SDCBP: variants seen among roughly 807,000 people sequenced by gnomAD.
SDCBP encodes syndecan binding protein.
A neutral mutation model predicts 30.5 loss-of-function variants in SDCBP; 22 were observed. The ratio of observed to expected loss-of-function variants is 0.72; its 90% confidence interval spans 0.52 to 1.03. SDCBP has a LOEUF of 1.03. SDCBP is among the 50% of genes least tolerant of loss of function. The pLI, the probability that SDCBP is intolerant of heterozygous loss-of-function variation, is 0.00. For synonymous variants in SDCBP, 103 were observed against 118.7 expected (o/e 0.87, Z 0.86); for missense variants, 304 against 369.9 (o/e 0.82, Z 1.46).
chr8:58,556,194 G>C (rs1270339406), intron 1 of SDCBP, among the ~76,000 whole-genome samples: 2 of 152,218 alleles, frequency 1.3e-5, no homozygotes, highest in African/African-American at 4.8e-5. Flanking sequence ...TTTCATGGAA[G>C]ACAGTTTTTC....
chr8:58,579,477 T>C, intron 6 of SDCBP, 146 bp from the exon 7 acceptor site: 4 of 502,768 alleles, frequency 8.0e-6, no homozygotes, highest in Non-Finnish European at 1.3e-5. Context: ...GTTCCGTGAA[T>C]GTATAAAATC....
intron 1 of SDCBP, among the ~76,000 whole-genome samples, chr8:58,559,999 G>A (rs1472678299): frequency 1.3e-5 from 2 of 152,220 alleles, no homozygotes; most frequent in African/African-American, 4.8e-5. Flanking sequence ...GTCTGCCCAA[G>A]GGTCTGGTTT....
chr8:58,580,300 GAA>G (rs1164198082), intron 7 of SDCBP, among the ~76,000 whole-genome samples: 1 of 152,064 alleles, frequency 6.6e-6, no homozygotes, highest in Non-Finnish European at 1.5e-5. Context: ...ATTCAGAAAG[GAA>G]AAGTTTTTTT....
chr8:58,573,436 T>C (rs1805145485), intron 4 of SDCBP, among the ~76,000 whole-genome samples: 1 of 152,100 alleles, frequency 6.6e-6, no homozygotes, highest in Non-Finnish European at 1.5e-5. Context: ...TGGACATAGA[T>C]GTAATTGCAG....
At chr8:58,581,650 G>C in intron 8 of SDCBP, 36 bp from the exon 9 acceptor site, 1 of 1,545,290 alleles carries the variant, frequency 6.5e-7, no homozygotes, top group Non-Finnish European at 8.9e-7. Context: ...ACAAAAACCA[G>C]AATCTCGGTA....
At chr8:58,567,131 CT>C (rs1178381451) in intron 2 of SDCBP, among the ~76,000 whole-genome samples, 1 of 152,136 alleles carries the variant, frequency 6.6e-6, no homozygotes, top group Non-Finnish European at 1.5e-5. Flanking sequence ...ACCCCAACCC[CT>C]TTTTTTAGTA....
intron 6 of SDCBP, among the ~76,000 whole-genome samples, chr8:58,579,287 A>G (rs2129608386): frequency 6.6e-6 from 1 of 152,352 alleles, no homozygotes; most frequent in Non-Finnish European, 1.5e-5. Context: ...TATCTTTACC[A>G]CTGTGATTTA....
rs1337368904 is a variant in SDCBP, at chr8:58,581,979, T to C, written c.*239T>C. On this transcript the variant is annotated 3_prime_UTR_variant, in exon 9 of 9. Coordinates refer to ENST00000260130, the MANE Select transcript of SDCBP (RefSeq NM_005625.4). ...AAACTTTCAAGAGATTTACTGACTT[T>C]CCTAGAATAGTTTCTCTACTGGAAA... 1 of 495,776 alleles carries C rather than the reference T, an allele frequency of 2.0e-6. No individual in the cohort carries two copies. The highest frequency in any genetic ancestry group is 3.6e-6 in the Non-Finnish European group (1 of 275,708). The allele number at this position is 495,776 out of a possible 1,614,324, so 30.7% of individuals were successfully genotyped here.
At chr8:58,557,014 CTTATATACTATATT>C (rs1454975358) in intron 1 of SDCBP, among the ~76,000 whole-genome samples, 17 of 130,452 alleles carry the variant, frequency 1.3e-4, no homozygotes, top group African/African-American at 5.0e-4. Context: ...TATACTATAT[CTTATATACTATATT>C]ATAAGTATAT....
chr8:58,581,660 A>G (rs1188464291), intron 8 of SDCBP, 26 bp from the exon 9 acceptor site: 40 of 1,577,922 alleles, frequency 2.5e-5, no homozygotes, highest in Non-Finnish European at 3.1e-5. Context: ...GAATCTCGGT[A>G]TATAATAAAA....
At chr8:58,558,514 C>A (rs1261745401) in intron 1 of SDCBP, among the ~76,000 whole-genome samples, 1 of 152,184 alleles carries the variant, frequency 6.6e-6, no homozygotes, top group Admixed American at 6.5e-5. Flanking sequence ...AACTCCTGGG[C>A]TCAAGTGATC....
At chr8:58,557,642 T>G (rs1804221457) in intron 1 of SDCBP, among the ~76,000 whole-genome samples, 1 of 151,872 alleles carries the variant, frequency 6.6e-6, no homozygotes, top group South Asian at 2.1e-4. Context: ...CCTTTCATAA[T>G]GCATGAAGTG....
chr8:58,581,050 G>A (rs1215986299), intron 8 of SDCBP, among the ~76,000 whole-genome samples: 1 of 152,138 alleles, frequency 6.6e-6, no homozygotes, highest in Admixed American at 6.5e-5. Flanking sequence ...GTGGTGTGTT[G>A]GTGCTATCTG....
At chr8:58,556,311 G>A (rs1223573746) in intron 1 of SDCBP, among the ~76,000 whole-genome samples, 1 of 152,166 alleles carries the variant, frequency 6.6e-6, no homozygotes, top group Non-Finnish European at 1.5e-5. Flanking sequence ...GCTCCTGTGA[G>A]AATCTAATGC....
chr8:58,569,282 T>TGACAAACATGACAACATGCCCTGTTGGG (rs1804888981), intron 2 of SDCBP, among the ~76,000 whole-genome samples: 1 of 134,536 alleles, frequency 7.4e-6, no homozygotes, highest in African/African-American at 3.5e-5. Context: ...GCCATGTTGG[T>TGACAAACATGACAACATGCCCTGTTGGG]CAGTTGAACT....
intron 1 of SDCBP, among the ~76,000 whole-genome samples, chr8:58,557,111 C>A (rs539291775): frequency 1.6e-5 from 2 of 121,284 alleles, no homozygotes; most frequent in African/African-American, 3.4e-5. Context: ...ATATATTATA[C>A]TATTATATAC....
rs937018775 is a variant in SDCBP, at chr8:58,581,950, T to C, written c.*210T>C. ...TGTAGCCTTATCCTGGTTTTACAGA[T>C]GTGAAACTTTCAAGAGATTTACTGA... is the stretch of plus-strand genomic sequence containing the variant. On this transcript the variant is annotated 3_prime_UTR_variant, in exon 9 of 9. Coordinates refer to ENST00000260130, the MANE Select transcript of SDCBP (RefSeq NM_005625.4). 1.3e-5 allele frequency: 7 copies of C among 518,910 alleles called. No homozygotes were observed. The African/African-American group carries it at 1.4e-4, about 10-fold the overall frequency. 32.1% of individuals were successfully genotyped at this position (518,910 alleles called of 1,614,324 possible).
Position 58,582,472 on chromosome 8 carries a change from A to G in SDCBP, c.*732A>G, listed in dbSNP as rs1805746762. ...TTAATGGTACTTACTGAGCTATAGCATAGCTGCTTAGTTGTTTTTGAGATT... is the reference window on the plus strand; with the variant it reads ...TTAATGGTACTTACTGAGCTATAGCGTAGCTGCTTAGTTGTTTTTGAGATT... On this transcript the variant is annotated 3_prime_UTR_variant, in exon 9 of 9. Transcript: ENST00000260130. 6.5e-6 allele frequency: 1 copy of G among 152,672 alleles called. No homozygotes were observed. Among genetic ancestry groups the G allele is most frequent in the Admixed American group, 6.5e-5 (1 of 15,278 alleles). The allele number at this position is 152,672 out of a possible 1,614,324, so 9.5% of individuals were successfully genotyped here.
intron 4 of SDCBP, 91 bp downstream of exon 4, chr8:58,572,405 A>G: frequency 2.5e-6 from 2 of 815,928 alleles, no homozygotes; most frequent in Non-Finnish European, 4.1e-6. Flanking sequence ...TCACAGATAT[A>G]CTACTAGCAT....
Sources: gnomAD v4.1 joint callset for allele counts (sites outside exome capture counted in the v4.1 genomes callset) on GRCh38, gnomAD v4.1.1 for gene constraint, MANE v1.5 for transcripts, NCBI Gene and HGNC (gene_info 2026-07-23, HGNC 2026-07-21) for gene names.